The following TXNL4A variants were observed in gnomAD, a reference collection of about 807,000 sequenced individuals.
TXNL4A encodes the protein thioredoxin like 4A.
In TXNL4A, 17 loss-of-function variants were observed where a neutral mutation model predicts 14.6. That is an observed-to-expected ratio of 1.16 (90% CI 0.80 to 1.74). The LOEUF (loss-of-function observed/expected upper bound fraction) is 1.74. Among genes scored for constraint, TXNL4A ranks in the 40% most tolerant of loss-of-function variants. The pLI is 0.00. For missense variants in TXNL4A, 74 were observed against 195.2 expected (o/e 0.38, Z 3.70); for synonymous variants, 83 against 70.6 (o/e 1.18, Z -0.88).
At chr18:79,977,251 T>C in intron 2 of TXNL4A, 1 of 322,636 alleles carries the variant, frequency 3.1e-6, no homozygotes, top group Non-Finnish European at 5.7e-6. Flanking sequence ...TGAGCCACTG[T>C]GCCCGGCCTA....
chr18:80,021,174 G>A (rs72972217), intron 1 of TXNL4A, among the ~76,000 whole-genome samples: 47,752 of 151,434 alleles, frequency 0.32, 8,132 homozygotes, highest in South Asian at 0.48. Flanking sequence ...TAGCCTGGTT[G>A]GAGGGATCTT....
chr18:79,974,949 C>T (rs2051356507), intron 2 of TXNL4A, among the ~76,000 whole-genome samples: 1 of 152,120 alleles, frequency 6.6e-6, no homozygotes, highest in Non-Finnish European at 1.5e-5. Context: ...CCTACTATTC[C>T]GTAGAAAGTA....
intron 1 of TXNL4A, among the ~76,000 whole-genome samples, chr18:80,025,125 C>T (rs1162187939): frequency 6.6e-6 from 1 of 152,142 alleles, no homozygotes; most frequent in Non-Finnish European, 1.5e-5. Flanking sequence ...ATTAGTGTAC[C>T]TGAGAACCAG....
At chr18:80,020,049 G>T (rs1008803067) in intron 1 of TXNL4A, among the ~76,000 whole-genome samples, 2 of 152,168 alleles carry the variant, frequency 1.3e-5, no homozygotes, top group Non-Finnish European at 2.9e-5. Flanking sequence ...TGATTGAATT[G>T]TGGGGGCGGG....
intron 2 of TXNL4A, among the ~76,000 whole-genome samples, chr18:79,974,719 T>C (rs2051352507): frequency 6.6e-6 from 1 of 152,038 alleles, no homozygotes; most frequent in South Asian, 2.1e-4. Flanking sequence ...CCTCAAGTGA[T>C]CCTCCCACCT....
intron 2 of TXNL4A, among the ~76,000 whole-genome samples, chr18:79,976,457 T>A (rs114529543): frequency 0.018 from 2,780 of 152,050 alleles, 84 homozygotes; most frequent in African/African-American, 0.064. Context: ...AGGAAGCAGA[T>A]CTCAGACCCA....
At chr18:80,002,538 G>A (rs2051704698) in intron 1 of TXNL4A, among the ~76,000 whole-genome samples, 1 of 152,244 alleles carries the variant, frequency 6.6e-6, no homozygotes, top group East Asian at 1.9e-4. Flanking sequence ...AACAAATCTG[G>A]TATTGAGATT....
chr18:79,987,154 C>T (rs983100026), intron 1 of TXNL4A, among the ~76,000 whole-genome samples: 2 of 152,200 alleles, frequency 1.3e-5, no homozygotes, highest in South Asian at 2.1e-4. Flanking sequence ...TGGACTTCAC[C>T]CCATACCCAT....
chr18:80,007,277 G>C (rs1262170650), intron 1 of TXNL4A, among the ~76,000 whole-genome samples: 5 of 152,188 alleles, frequency 3.3e-5, no homozygotes, highest in African/African-American at 1.2e-4. Context: ...GCAAGCTACT[G>C]TCTCAAAATG....
At chr18:80,018,584 G>A (rs1030547321) in intron 1 of TXNL4A, among the ~76,000 whole-genome samples, 5 of 152,138 alleles carry the variant, frequency 3.3e-5, no homozygotes, top group Admixed American at 1.3e-4. Flanking sequence ...TTGATAGACT[G>A]CTAGCAAGAC....
chr18:79,998,415 G>A (rs145482240), intron 1 of TXNL4A, among the ~76,000 whole-genome samples: 396 of 152,276 alleles, frequency 2.6e-3, no homozygotes, highest in Non-Finnish European at 3.7e-3. Context: ...ACAATCAGCT[G>A]TACAACAAAT....
At position 80,000,833 on chromosome 18, in the gene TXNL4A, T is replaced by A. The variant is rs2051693869; in HGVS notation, c.-60-23132A>T. On this transcript the variant is annotated intron_variant, in intron 1 of 2. Transcript: ENST00000585474. ...CACTCCCAGCTAATTTTTGTATTTT[T>A]AGTAGAGACGGGGTTTCACCATGTT... is the stretch of plus-strand genomic sequence containing the variant. Among the ~76,000 whole-genome samples, 8 of 152,274 alleles carry A rather than the reference T, an allele frequency of 5.3e-5. No homozygotes were observed. In the South Asian group the frequency reaches 1.7e-3, roughly 32 times the overall value.
chr18:80,006,466 G>A (rs1460417234), intron 1 of TXNL4A, among the ~76,000 whole-genome samples: 1 of 152,204 alleles, frequency 6.6e-6, no homozygotes, highest in Non-Finnish European at 1.5e-5. Context: ...AGCGCCCAGT[G>A]GTGGATTTTC....
intron 1 of TXNL4A, among the ~76,000 whole-genome samples, chr18:79,984,493 G>A (rs983761301): frequency 6.6e-6 from 1 of 152,226 alleles, no homozygotes; most frequent in Non-Finnish European, 1.5e-5. Flanking sequence ...CTACTCAGGA[G>A]GCTGAGGTTG....
chr18:80,028,581 T>C (rs1455557206), intron 1 of TXNL4A, among the ~76,000 whole-genome samples: 1 of 90,472 alleles, frequency 1.1e-5, no homozygotes, highest in African/African-American at 3.4e-5. Context: ...CAGATGGGTC[T>C]TATTTAAGAG....
At chr18:79,998,318 G>T (rs1325538924) in intron 1 of TXNL4A, among the ~76,000 whole-genome samples, 1 of 151,920 alleles carries the variant, frequency 6.6e-6, no homozygotes, top group African/African-American at 2.4e-5. Flanking sequence ...AAAGAAACTG[G>T]ATACCAAATT....
chr18:80,021,807 C>T (rs957158114), intron 1 of TXNL4A, among the ~76,000 whole-genome samples: 1 of 152,038 alleles, frequency 6.6e-6, no homozygotes, highest in African/African-American at 2.4e-5. Context: ...TTAGCGGGTA[C>T]TGCTTTTGGT....
rs2051305481 is a variant in TXNL4A at position 79,971,834 on chromosome 18, T to C, written c.*1851A>G. On this transcript the variant is annotated 3_prime_UTR_variant, in exon 3 of 3. Transcript: ENST00000269601. ...AGCAGTGATGCTGAGTGTCTCTTCG[T>C]GTGCTTCCTGGCCGTCTGTTTCACC... The C allele has an allele frequency of 6.6e-6, 1 of 152,202 alleles. No homozygotes were observed. Among genetic ancestry groups the C allele is most frequent in the African/African-American group, 2.4e-5 (1 of 41,438 alleles). 9.4% of individuals were successfully genotyped at this position (152,202 alleles called of 1,614,324 possible). A position where few individuals can be genotyped will look rare whatever the true frequency, so the allele number is the denominator to read the frequency against.
rs535158929 is a variant in TXNL4A, at chr18:80,013,123, T to A, written c.-61+20728A>T. ...AAAATTAAAAAAGGAAAAAAAAAAA[T>A]TTTTTTTTTTTTTTTGAGACGGAGT... On this transcript the variant is annotated intron_variant, in intron 1 of 2. Coordinates refer to the TXNL4A transcript ENST00000585474. Among the ~76,000 whole-genome samples the A allele has an allele frequency of 8.6e-3, 324 of 37,648 alleles. 8 individuals are homozygous for A. The highest frequency in any genetic ancestry group is 0.05 in the Admixed American group (277 of 5,490). The allele number at this position is 37,648 out of a possible 152,430, so 24.7% of individuals were successfully genotyped here.
Sources: allele counts gnomAD v4.1 joint callset (sites outside exome capture counted in the v4.1 genomes callset), GRCh38; gene constraint gnomAD v4.1.1; transcripts MANE v1.5; gene names NCBI Gene and HGNC (gene_info 2026-07-23, HGNC 2026-07-21).